Variants in NKAIN2 observed in about 807,000 individuals in gnomAD.
NKAIN2 encodes sodium/potassium-transporting ATPase subunit beta-1-interacting protein 2.
Under a neutral mutation model 32.6 loss-of-function variants are expected in NKAIN2, and 14 were observed. The observed-to-expected ratio is 0.43, with a 90% CI of 0.28 to 0.67. The LOEUF (loss-of-function observed/expected upper bound fraction) is 0.67, where lower values mean the gene tolerates loss of function less well. NKAIN2 is among the 30% of genes least tolerant of loss of function. NKAIN2 has a pLI of 0.17. For synonymous variants in NKAIN2, 80 were observed against 87.2 expected, an observed-to-expected ratio of 0.92 and a Z score of 0.46; for missense variants, 198 against 258.3, an observed-to-expected ratio of 0.77 and a Z score of 1.60.
chr6:124,182,131 G>C (rs560673952), intron 1 of NKAIN2, among the ~76,000 whole-genome samples: 1 of 152,192 alleles, frequency 6.6e-6, no homozygotes, highest in Non-Finnish European at 1.5e-5. Context: ...GCAGGCAAGA[G>C]AGCATGTGCA....
intron 3 of NKAIN2, among the ~76,000 whole-genome samples, chr6:124,595,376 A>C (rs888489896): frequency 6.6e-6 from 1 of 152,058 alleles, no homozygotes; most frequent in African/African-American, 2.4e-5. Flanking sequence ...ATTTTCACAG[A>C]CCCTGCCTGC....
chr6:124,145,623 A>G (rs1787361706), intron 1 of NKAIN2, among the ~76,000 whole-genome samples: 1 of 152,072 alleles, frequency 6.6e-6, no homozygotes, highest in Non-Finnish European at 1.5e-5. Flanking sequence ...CTCCTGCCTC[A>G]GCCTCCCGAG....
intron 1 of NKAIN2, among the ~76,000 whole-genome samples, chr6:123,932,434 T>TTTTTTTTTTTTTTTTTTTTC (rs1481221049): frequency 2.2e-5 from 2 of 91,838 alleles, no homozygotes; most frequent in African/African-American, 5.0e-5. Context: ...TTTTTTTTTT[T>TTTTTTTTTTTTTTTTTTTTC]GAGAAAGAGT....
intron 1 of NKAIN2, among the ~76,000 whole-genome samples, chr6:123,935,116 T>C (rs1776437844): frequency 6.8e-6 from 1 of 147,432 alleles, no homozygotes. Flanking sequence ...TATATTGAAA[T>C]AAATATGTTA....
At chr6:123,913,120 G>A (rs1197531745) in intron 1 of NKAIN2, among the ~76,000 whole-genome samples, 1 of 152,110 alleles carries the variant, frequency 6.6e-6, no homozygotes, top group East Asian at 1.9e-4. Flanking sequence ...GCAGAATGTT[G>A]GGTTTGAGGG....
At chr6:124,674,928 G>A (rs571110205) in intron 4 of NKAIN2, among the ~76,000 whole-genome samples, 1 of 151,984 alleles carries the variant, frequency 6.6e-6, no homozygotes, top group African/African-American at 2.4e-5. Flanking sequence ...TCCTTGCCTT[G>A]TTCCTGATCT....
rs148694526 is a variant in NKAIN2, at chr6:124,778,079, C to T, written c.475-13260C>T. ...AGATAGACAGATTGTCATCAAACTT[C>T]GCTTTTCTGGGAGAACAAGTGATAA... On this transcript the variant is annotated intron_variant, in intron 4 of 6. Transcript: ENST00000368417. Among the ~76,000 whole-genome samples, 21 of 152,104 alleles carry T rather than the reference C, an allele frequency of 1.4e-4. No individual in the cohort carries two copies. In the East Asian group the frequency reaches 2.9e-3, roughly 21 times the overall value.
intron 4 of NKAIN2, among the ~76,000 whole-genome samples, chr6:124,694,269 A>G (rs142356416): frequency 1.4e-3 from 220 of 152,308 alleles, no homozygotes; most frequent in African/African-American, 4.9e-3. Context: ...TAGGAATAGT[A>G]CTTGAGGCTC....
At chr6:124,352,216 C>T (rs953336028) in intron 2 of NKAIN2, among the ~76,000 whole-genome samples, 4 of 152,078 alleles carry the variant, frequency 2.6e-5, no homozygotes, top group Non-Finnish European at 5.9e-5. Context: ...AATCCATTAC[C>T]TTTCATATGC....
At chr6:124,700,595 C>T (rs1774729274) in intron 4 of NKAIN2, among the ~76,000 whole-genome samples, 1 of 152,074 alleles carries the variant, frequency 6.6e-6, no homozygotes, top group Non-Finnish European at 1.5e-5. Flanking sequence ...ATGATAGAAG[C>T]TATAACTGAC....
rs143663650 is a variant in NKAIN2, at chr6:124,273,644, A to G, written c.55-9361A>G. Among the ~76,000 whole-genome samples the G allele has an allele frequency of 2.3e-3, 349 of 152,298 alleles. 2 individuals are homozygous for G. Among genetic ancestry groups the G allele is most frequent in the African/African-American group, 7.8e-3 (323 of 41,562 alleles). ...TGGGTTTCCACACCTCACTAGAACT[A>G]AAACAGTGTATCACATTGCTCAATA... On this transcript the variant is annotated intron_variant, in intron 1 of 6. Coordinates refer to ENST00000368417, the MANE Select transcript of NKAIN2 (RefSeq NM_001040214.3).
intron 5 of NKAIN2, among the ~76,000 whole-genome samples, chr6:124,815,225 C>CATATATACATATATATATAT (rs1554268822): frequency 7.3e-6 from 1 of 136,998 alleles, no homozygotes; most frequent in Non-Finnish European, 1.6e-5. Context: ...TATATATATA[C>CATATATACATATATATATAT]ATATATATAT....
intron 1 of NKAIN2, among the ~76,000 whole-genome samples, chr6:123,875,869 GA>G (rs1402433671): frequency 6.6e-6 from 1 of 151,994 alleles, no homozygotes; most frequent in East Asian, 1.9e-4. Context: ...GATCCTTTGT[GA>G]AATTTCCTTT....
At chr6:124,138,471 G>A (rs1174101489) in intron 1 of NKAIN2, among the ~76,000 whole-genome samples, 4 of 151,792 alleles carry the variant, frequency 2.6e-5, no homozygotes, top group East Asian at 1.9e-4. Context: ...CATTCGATCC[G>A]GCAATCCCAC....
chr6:124,777,092 T>C (rs1429813738), intron 4 of NKAIN2, among the ~76,000 whole-genome samples: 1 of 152,186 alleles, frequency 6.6e-6, no homozygotes, highest in East Asian at 1.9e-4. Context: ...TTTTAGTATT[T>C]TCTAAAGATT....
Position 124,054,477 on chromosome 6 carries a change from G to GT in NKAIN2, c.55-228527dup, listed in dbSNP as rs1782557428. 1.3e-5 allele frequency among the ~76,000 whole-genome samples: 2 copies of GT among 152,054 alleles called. 1 individual carries two copies. Among genetic ancestry groups the GT allele is most frequent in the African/African-American group, 4.8e-5 (2 of 41,434 alleles). On this transcript the variant is annotated intron_variant, in intron 1 of 6. Coordinates refer to ENST00000368417, the MANE Select transcript of NKAIN2 (RefSeq NM_001040214.3). Reference sequence around the variant, plus strand: ...CAGTACCTATTAAATATTGGTGAGTGTATTGCAAGAGTATTCCTGGAATCT... The same window carrying GT: ...CAGTACCTATTAAATATTGGTGAGTGTTATTGCAAGAGTATTCCTGGAATCT...
chr6:124,328,666 G>C (rs772692376), intron 2 of NKAIN2, among the ~76,000 whole-genome samples: 1 of 152,206 alleles, frequency 6.6e-6, no homozygotes. Context: ...AAAGCCATGG[G>C]GGCCTTTCAT....
intron 1 of NKAIN2, among the ~76,000 whole-genome samples, chr6:124,255,397 C>T (rs1439271881): frequency 6.6e-6 from 1 of 152,172 alleles, no homozygotes; most frequent in East Asian, 1.9e-4. Flanking sequence ...TTTCTTTGAA[C>T]AGTGTCTACC....
At chr6:123,934,010 TG>T (rs1415953320) in intron 1 of NKAIN2, among the ~76,000 whole-genome samples, 2 of 136,408 alleles carry the variant, frequency 1.5e-5, no homozygotes, top group Non-Finnish European at 3.2e-5. Flanking sequence ...ACTGTTTGTA[TG>T]GATCCTTTAA....
Sources: allele counts gnomAD v4.1 joint callset (sites outside exome capture counted in the v4.1 genomes callset), GRCh38; gene constraint gnomAD v4.1.1; transcripts MANE v1.5; gene names NCBI Gene and HGNC (gene_info 2026-07-23, HGNC 2026-07-21).